Variants in NCAPD2 observed in about 807,000 individuals in gnomAD.
NCAPD2 encodes the protein condensin complex subunit 1.
NCAPD2 carries 100 observed loss-of-function variants against 164.5 expected under a neutral mutation model. The ratio of observed to expected loss-of-function variants is 0.61; its 90% CI spans 0.52 to 0.72. The LOEUF (loss-of-function observed/expected upper bound fraction) is 0.72. Among genes scored for constraint, NCAPD2 ranks in the 30% least tolerant of loss-of-function variants. The pLI is 0.00. For synonymous variants in NCAPD2, 585 were observed against 642.6 expected (o/e 0.91, Z 1.36); for missense variants, 1,560 against 1,749.2 (o/e 0.89, Z 1.93).
intron 13 of NCAPD2, 72 bp downstream of exon 13, chr12:6,518,031 T>A: frequency 6.9e-7 from 1 of 1,458,382 alleles, no homozygotes; most frequent in South Asian, 1.2e-5. Context: ...ACTTACATAA[T>A]GTGTCTTTTA....
rs868593641 is a variant in NCAPD2 at position 6,510,094 on chromosome 12, C to A, written c.223C>A (p.Pro75Thr). 2.5e-6 allele frequency: 4 copies of A among 1,613,118 alleles called. No homozygotes were observed. The highest frequency in any genetic ancestry group is 3.4e-6 in the Non-Finnish European group (4 of 1,179,050). Residue 75 changes from proline (P) to threonine (T), a missense_variant, in exon 4 of 32, where the codon CCT (proline) becomes ACT (threonine). Physicochemically the swap from Pro to Thr is conservative, Grantham distance 38. Coordinates refer to ENST00000315579, the MANE Select transcript of NCAPD2 (RefSeq NM_014865.4). ...TCATAGTCACTTTCGAAGTATAGAT[C>A]CTGGCCTCAAAGAAGATACTCTGCA... Reference protein sequence around the residue: ...SILHHFRSIDPGLKEDTLQFL... With the variant: ...SILHHFRSIDTGLKEDTLQFL...
intron 13 of NCAPD2, among the ~76,000 whole-genome samples, chr12:6,518,503 A>AGTTTTTGTTT (rs1555139578): frequency 3.3e-5 from 1 of 30,714 alleles, no homozygotes; most frequent in Non-Finnish European, 5.9e-5. Context: ...GCCGTCAACA[A>AGTTTTTGTTT]GTTTTTTTTT....
chr12:6,520,726 G>A (rs1347275420), intron 13 of NCAPD2, among the ~76,000 whole-genome samples: 1 of 152,174 alleles, frequency 6.6e-6, no homozygotes, highest in Non-Finnish European at 1.5e-5. Flanking sequence ...CCTTATTGGA[G>A]TTTTTTTGAA....
chr12:6,523,547 GC>G (rs1414022549), intron 17 of NCAPD2, among the ~76,000 whole-genome samples: 1 of 152,022 alleles, frequency 6.6e-6, no homozygotes, highest in Non-Finnish European at 1.5e-5. Flanking sequence ...ACATGCATGT[GC>G]CACCATGCCC....
At chr12:6,508,301 A>G (rs1408138592) in intron 2 of NCAPD2, among the ~76,000 whole-genome samples, 1 of 152,198 alleles carries the variant, frequency 6.6e-6, no homozygotes, top group African/African-American at 2.4e-5. Context: ...GCACCACTGC[A>G]TTCTGGCCTG....
At chr12:6,504,230 T>TATACACATATATATATACAC (rs1565539659) in intron 2 of NCAPD2, among the ~76,000 whole-genome samples, 3 of 78,872 alleles carry the variant, frequency 3.8e-5, no homozygotes, top group Admixed American at 2.3e-4. Flanking sequence ...TATAGATATA[T>TATACACATATATATATACAC]ATATATATAT....
intron 4 of NCAPD2, chr12:6,510,357 A>G (rs1481230373): frequency 1.3e-6 from 1 of 782,314 alleles, no homozygotes; most frequent in Admixed American, 1.7e-5. Flanking sequence ...GACCAACAAG[A>G]ACTTTTTCCT....
chr12:6,504,212 T>TATATATATACAC (rs1946075081), intron 2 of NCAPD2, among the ~76,000 whole-genome samples: 1 of 21,730 alleles, frequency 4.6e-5, no homozygotes, highest in Admixed American at 5.6e-4. Context: ...TATATATATA[T>TATATATATACAC]ATATAGATAT....
chr12:6,526,417 C>G (rs369778530), intron 20 of NCAPD2, 31 bp from the exon 21 acceptor site: 1 of 1,614,064 alleles, frequency 6.2e-7, no homozygotes, highest in African/African-American at 1.3e-5. Flanking sequence ...CCCTTTGTTG[C>G]AGTAAACAAC....
rs572928466 is a variant in NCAPD2 at position 6,505,683 on chromosome 12, T to A, written c.128-4034T>A. Among the ~76,000 whole-genome samples, 145 of 151,878 alleles carry A rather than the reference T, an allele frequency of 9.5e-4. 1 individual carries two copies. The highest frequency in any genetic ancestry group is 3.3e-3 in the African/African-American group (137 of 41,420). Reference sequence around the variant, plus strand: ...GTAAAACCCTGTCTCTACTAAAAATTCAAAAATTAGCCAGGTGTGGTAAAT... The same window carrying A: ...GTAAAACCCTGTCTCTACTAAAAATACAAAAATTAGCCAGGTGTGGTAAAT... On this transcript the variant is annotated intron_variant, in intron 2 of 31. Transcript: ENST00000315579.
chr12:6,523,087 A>G (rs1946280097), intron 16 of NCAPD2, 85 bp downstream of exon 16: 15 of 1,542,836 alleles, frequency 9.7e-6, no homozygotes, highest in Middle Eastern at 2.1e-4. Flanking sequence ...GAAGAGGTGC[A>G]TTTCTCCAGG....
At chr12:6,517,258 T>C in intron 10 of NCAPD2, 107 bp from the exon 11 acceptor site, 2 of 1,491,946 alleles carry the variant, frequency 1.3e-6, no homozygotes, top group Non-Finnish European at 1.8e-6. Context: ...GTAGAAAGGG[T>C]TTTTAGAGTG....
At chr12:6,504,217 A>ACATATATACATATATATAT (rs1491497981) in intron 2 of NCAPD2, among the ~76,000 whole-genome samples, 1 of 19,508 alleles carries the variant, frequency 5.1e-5, no homozygotes, top group African/African-American at 8.5e-4. Context: ...ATATATATAT[A>ACATATATACATATATATAT]GATATAGATA....
intron 2 of NCAPD2, among the ~76,000 whole-genome samples, chr12:6,499,861 C>T (rs1946019085): frequency 6.6e-6 from 1 of 152,074 alleles, no homozygotes. Context: ...TGGCTCACAC[C>T]TGTAATCCTA....
At chr12:6,510,052 C>T in intron 3 of NCAPD2, 23 bp from the exon 4 acceptor site, 1 of 1,610,850 alleles carries the variant, frequency 6.2e-7, no homozygotes, top group Non-Finnish European at 8.5e-7. Flanking sequence ...CTGTCTCACC[C>T]CCACACTTTC....
At chr12:6,500,643 A>G (rs1213822410) in intron 2 of NCAPD2, among the ~76,000 whole-genome samples, 1 of 152,214 alleles carries the variant, frequency 6.6e-6, no homozygotes, top group Non-Finnish European at 1.5e-5. Context: ...AAGCTGCTGA[A>G]TCAGGAAATC....
Position 6,528,623 on chromosome 12 carries a change from G to A in NCAPD2, c.3300-56G>A. On this transcript the variant is annotated intron_variant, in intron 25 of 31. Coordinates refer to ENST00000315579, the MANE Select transcript of NCAPD2 (RefSeq NM_014865.4). The surrounding 1 kb of genome is among the most constrained non-coding windows in gnomAD (Gnocchi z 5.1). ...TTCCTGCTGAGGGCCTTTTCTACCA[G>A]TGTTAGGGTGTAGCCCGGAGGTCTC... 2 of 1,559,322 alleles carry A rather than the reference G, an allele frequency of 1.3e-6. No individual in the cohort carries two copies. Among genetic ancestry groups the A allele is most frequent in the Non-Finnish European group, 1.8e-6 (2 of 1,140,574 alleles).
intron 2 of NCAPD2, among the ~76,000 whole-genome samples, chr12:6,498,822 G>A (rs1221168487): frequency 6.6e-6 from 1 of 152,024 alleles, no homozygotes; most frequent in African/African-American, 2.4e-5. Flanking sequence ...GGCCAGGATG[G>A]TCTCGATCTC....
rs1946320150 is a variant in NCAPD2 at position 6,526,583 on chromosome 12, T to C, written c.2702T>C (p.Leu901Pro). Residue 901 changes from leucine (L) to proline (P), a missense_variant, in exon 21 of 32, where the codon CTA becomes CCA. By Grantham distance (98) the Leu-to-Pro change is moderately conservative. Transcript: ENST00000315579. ...QGCAKQALEK[L>P]EEKRTSQEDP... ...TGTGCAAAACAGGCCCTGGAGAAGC[T>C]AGAAGAGAAGAGAACCAGTCAGGAG... The C allele has an allele frequency of 1.2e-6, 2 of 1,614,032 alleles. No individual in the cohort carries two copies. The highest frequency in any genetic ancestry group is 4.5e-5 in the East Asian group (2 of 44,862).
Sources: allele counts gnomAD v4.1 joint callset (sites outside exome capture counted in the v4.1 genomes callset), GRCh38; gene constraint gnomAD v4.1.1; non-coding constraint Gnocchi (gnomAD v3.1); transcripts MANE v1.5; gene names NCBI Gene and HGNC (gene_info 2026-07-23, HGNC 2026-07-21).